GPC5: variants seen among roughly 807,000 people sequenced by gnomAD.
GPC5 encodes the protein glypican-5.
A neutral mutation model predicts 53.9 loss-of-function variants in GPC5; 47 were observed. The ratio of observed to expected loss-of-function variants is 0.87; its 90% confidence interval spans 0.69 to 1.11. The LOEUF is 1.11. Among genes scored for constraint, GPC5 ranks in the 50% most tolerant of loss-of-function variants. The pLI is 0.00. For synonymous variants in GPC5, 286 were observed against 263.3 expected, an observed-to-expected ratio of 1.09 and a Z score of -0.84; for missense variants, 748 against 713.1, an observed-to-expected ratio of 1.05 and a Z score of -0.56.
At chr13:92,803,760 A>G (rs760586672) in intron 7 of GPC5, among the ~76,000 whole-genome samples, 6 of 151,974 alleles carry the variant, frequency 3.9e-5, no homozygotes, top group Non-Finnish European at 7.4e-5. Flanking sequence ...GCTAATATCT[A>G]CATGTCTCAA....
chr13:92,407,379 C>T (rs892496160), intron 7 of GPC5, among the ~76,000 whole-genome samples: 1 of 152,074 alleles, frequency 6.6e-6, no homozygotes, highest in South Asian at 2.1e-4. Context: ...TTGGTAGCCT[C>T]GACAAGATAT....
chr13:91,741,131 A>C (rs2036924728), intron 4 of GPC5, among the ~76,000 whole-genome samples: 1 of 152,086 alleles, frequency 6.6e-6, no homozygotes, highest in Non-Finnish European at 1.5e-5. Context: ...TATTTTTACT[A>C]TCAGACAGGA....
chr13:91,842,469 G>A (rs1342987530), intron 5 of GPC5, among the ~76,000 whole-genome samples: 3 of 149,498 alleles, frequency 2.0e-5, no homozygotes, highest in African/African-American at 7.4e-5. Context: ...TTGGGAGGCC[G>A]AGACGGGCGG....
intron 2 of GPC5, among the ~76,000 whole-genome samples, chr13:91,523,445 A>G (rs980232477): frequency 5.3e-5 from 8 of 152,192 alleles, no homozygotes; most frequent in African/African-American, 1.9e-4. Flanking sequence ...ATGAATCTGG[A>G]AGACATGTTA....
At chr13:92,067,371 T>C (rs1344994760) in intron 6 of GPC5, among the ~76,000 whole-genome samples, 5 of 152,060 alleles carry the variant, frequency 3.3e-5, no homozygotes, top group African/African-American at 1.2e-4. Flanking sequence ...TACCAACTAA[T>C]TGTAATTCTT....
intron 4 of GPC5, among the ~76,000 whole-genome samples, chr13:91,749,386 C>A (rs1160874908): frequency 6.6e-6 from 1 of 152,132 alleles, no homozygotes; most frequent in Non-Finnish European, 1.5e-5. Context: ...AGTAGTATTC[C>A]ATTGTGTATA....
intron 7 of GPC5, among the ~76,000 whole-genome samples, chr13:92,561,507 T>G (rs1034707324): frequency 4.6e-5 from 7 of 152,054 alleles, no homozygotes; most frequent in African/African-American, 1.7e-4. Flanking sequence ...ATTGAATGGT[T>G]AACTGTATGA....
At chr13:92,463,269 C>G (rs755754877) in intron 7 of GPC5, among the ~76,000 whole-genome samples, 25 of 152,216 alleles carry the variant, frequency 1.6e-4, no homozygotes, top group Non-Finnish European at 3.5e-4. Flanking sequence ...TCCACTGGCT[C>G]TGATGCAGTT....
chr13:92,558,313 A>G (rs1401285012), intron 7 of GPC5, among the ~76,000 whole-genome samples: 3 of 152,058 alleles, frequency 2.0e-5, no homozygotes, highest in Non-Finnish European at 4.4e-5. Context: ...TTCATTCTTT[A>G]AAGTTAATTT....
At chr13:92,074,334 T>A (rs1301924354) in intron 6 of GPC5, among the ~76,000 whole-genome samples, 3 of 152,170 alleles carry the variant, frequency 2.0e-5, no homozygotes, top group Non-Finnish European at 4.4e-5. Context: ...GCAGGATAAA[T>A]AATATATGTT....
At chr13:91,803,309 A>G (rs1341054270) in intron 5 of GPC5, among the ~76,000 whole-genome samples, 2 of 152,196 alleles carry the variant, frequency 1.3e-5, no homozygotes, top group African/African-American at 4.8e-5. Context: ...ATCAATTTAC[A>G]TCTCATTTTG....
intron 6 of GPC5, among the ~76,000 whole-genome samples, chr13:92,116,173 C>T (rs1207919233): frequency 6.6e-6 from 1 of 152,032 alleles, no homozygotes; most frequent in African/African-American, 2.4e-5. Flanking sequence ...CACTTGAGCA[C>T]AACAGGTCAA....
At chr13:92,514,859 C>G (rs1278258061) in intron 7 of GPC5, among the ~76,000 whole-genome samples, 1 of 152,136 alleles carries the variant, frequency 6.6e-6, no homozygotes, top group Non-Finnish European at 1.5e-5. Flanking sequence ...AAGCATGACT[C>G]TTATCTGTGA....
chr13:92,506,725 C>T (rs544841274), intron 7 of GPC5, among the ~76,000 whole-genome samples: 9 of 152,196 alleles, frequency 5.9e-5, no homozygotes, highest in East Asian at 5.8e-4. Flanking sequence ...GTCAAGGCTC[C>T]GGGTGATTCA....
intron 7 of GPC5, among the ~76,000 whole-genome samples, chr13:92,494,729 G>GA (rs1879904350): frequency 6.6e-6 from 1 of 151,728 alleles, no homozygotes; most frequent in Admixed American, 6.6e-5. Flanking sequence ...CTTCTCACTG[G>GA]TAAAAAAGCT....
intron 7 of GPC5, among the ~76,000 whole-genome samples, chr13:92,731,600 A>G (rs1888806529): frequency 6.6e-6 from 1 of 151,504 alleles, no homozygotes; most frequent in Non-Finnish European, 1.5e-5. Context: ...ATTAATGGAA[A>G]AAGAAAATCA....
chr13:91,520,720 ATGTG>A (rs968182487), intron 2 of GPC5, among the ~76,000 whole-genome samples: 1 of 148,082 alleles, frequency 6.8e-6, no homozygotes, highest in Non-Finnish European at 1.5e-5. Context: ...GTGTGTGTGT[ATGTG>A]TGTGTGTGTG....
chr13:92,448,865 A>C (rs373483046), intron 7 of GPC5: 2 of 151,058 alleles, frequency 1.3e-5, no homozygotes, highest in Admixed American at 1.3e-4. Context: ...TTAATGGTAT[A>C]AGAGAAATTC....
At chr13:91,852,574 G>A (rs1288611183) in intron 5 of GPC5, among the ~76,000 whole-genome samples, 1 of 151,882 alleles carries the variant, frequency 6.6e-6, no homozygotes, top group African/African-American at 2.4e-5. Context: ...TTTGGTGTTG[G>A]AGTCCATGTT....
Sources: gnomAD v4.1 joint callset for allele counts (sites outside exome capture counted in the v4.1 genomes callset) on GRCh38, gnomAD v4.1.1 for gene constraint, MANE v1.5 for transcripts, NCBI Gene and HGNC (gene_info 2026-07-23, HGNC 2026-07-21) for gene names.